Variants in NPEPL1 observed in about 807,000 individuals in gnomAD.
NPEPL1 encodes probable aminopeptidase NPEPL1.
Under a neutral mutation model 52.4 loss-of-function variants are expected in NPEPL1, and 45 were observed. The observed-to-expected ratio is 0.86, with a 90% CI of 0.68 to 1.10. NPEPL1 has a LOEUF of 1.10. NPEPL1 is among the 50% of genes least tolerant of loss of function. NPEPL1 has a pLI of 0.00. For synonymous variants in NPEPL1, 360 were observed against 314.7 expected (o/e 1.14, Z -1.52); for missense variants, 696 against 710.9 (o/e 0.98, Z 0.24).
At chr20:58,691,806 G>T (rs1460560191), upstream of NPEPL1, 1 of 1,542,758 alleles carries the variant, frequency 6.5e-7, no homozygotes, top group South Asian at 1.2e-5. Flanking sequence ...ACCAACCAAA[G>T]GCCCTTGAGC....
intron 11 of NPEPL1, 142 bp downstream of exon 11, chr20:58,714,812 C>A: frequency 1.5e-6 from 1 of 684,012 alleles, no homozygotes; most frequent in Admixed American, 2.6e-5. Context: ...CCCCACCACC[C>A]CCAGGTCTCA....
chr20:58,714,690 A>T lies in NPEPL1; in HGVS notation c.1413+20A>T. ...CATGCTGTGAGTGTCTCCCCTCCCC[A>T]CTGGCCCTGGCTGCTCCCGCCCGCT... On this transcript the variant is annotated intron_variant, in intron 11 of 11. Coordinates refer to ENST00000356091, the MANE Select transcript of NPEPL1 (RefSeq NM_024663.4). 1 of 1,550,222 alleles carries T rather than the reference A, an allele frequency of 6.5e-7. No individual in the cohort carries two copies. Among genetic ancestry groups the T allele is most frequent in the Non-Finnish European group, 8.7e-7 (1 of 1,144,886 alleles).
upstream of NPEPL1, chr20:58,691,512 G>A: frequency 3.0e-6 from 2 of 669,310 alleles, no homozygotes; most frequent in South Asian, 3.2e-5. Context: ...AGGGGCCAGG[G>A]ACCATGGCTC....
At chr20:58,702,117 C>T (rs933836610) in intron 6 of NPEPL1, among the ~76,000 whole-genome samples, 1 of 152,264 alleles carries the variant, frequency 6.6e-6, no homozygotes, top group African/African-American at 2.4e-5. Flanking sequence ...AACTAGCAGC[C>T]TGCAAGGCTC....
Position 58,693,758 on chromosome 20 carries a change from AC to A in NPEPL1, c.173del (p.Thr58SerfsTer14). ...TEELWQAALS[T>X]LNPNPTDSCP... Reference sequence around the variant, plus strand: ...CTAGCTCTGGCAGGCTGCCCTGAGCACGCTCAACCCCAACCCCACGGACAGC... The same window carrying A: ...CTAGCTCTGGCAGGCTGCCCTGAGCAGCTCAACCCCAACCCCACGGACAGC... On this transcript the variant is annotated frameshift_variant, in exon 2 of 12. Transcript: ENST00000356091. LOFTEE classifies it high-confidence loss of function. 6.2e-7 allele frequency: 1 copy of A among 1,609,534 alleles called. No homozygotes were observed.
Position 58,713,827 on chromosome 20 carries a change from TTC to T in NPEPL1, c.1126-86_1126-85del, listed in dbSNP as rs1391119949. The T allele has an allele frequency of 5.2e-6, 7 of 1,338,150 alleles. No individual in the cohort carries two copies. The highest frequency in any genetic ancestry group is 5.4e-4 in the Middle Eastern group (2 of 3,714). The allele number at this position is 1,338,150 out of a possible 1,614,324, so 82.9% of individuals were successfully genotyped here. Reference sequence around the variant, plus strand: ...ACCGTCTCTTTTCTGGCTCCCTTATTTCTCTGTCTGCCTCCCGGTCCCTCTTT... The same window carrying T: ...ACCGTCTCTTTTCTGGCTCCCTTATTTCTGTCTGCCTCCCGGTCCCTCTTT... On this transcript the variant is annotated intron_variant, in intron 9 of 11. Coordinates refer to ENST00000356091, the MANE Select transcript of NPEPL1 (RefSeq NM_024663.4). The surrounding 1 kb of genome is among the most constrained non-coding windows in gnomAD (Gnocchi z 4.6).
Position 58,698,670 on chromosome 20 carries a change from C to CT in NPEPL1, c.508-9dup, listed in dbSNP as rs1240402681. On this transcript the variant is annotated splice_polypyrimidine_tract_variant and intron_variant, in intron 3 of 11. Transcript: ENST00000356091. ...CTCCCACCTGGTCCCCAGTGATGGC[C>CT]TTTTTCTCCCTAGTGCTTAGCGAAT... 2.5e-6 allele frequency: 4 copies of CT among 1,610,354 alleles called. No homozygotes were observed. In the East Asian group the frequency reaches 8.9e-5, roughly 36 times the overall value.
chr20:58,710,240 G>A (rs1366677917), intron 7 of NPEPL1, among the ~76,000 whole-genome samples: 3 of 151,960 alleles, frequency 2.0e-5, no homozygotes, highest in African/African-American at 7.3e-5. Context: ...TCACCTTGTT[G>A]GCCAGGCTGG....
Position 58,714,577 on chromosome 20 carries a change from C to G in NPEPL1, c.1320C>G (p.Pro440=). ...CTCCCTAGGACCGAGACAACAGCCC[C>G]AGCTCCTGTGCTGGCCTCTTCATCG... is the stretch of plus-strand genomic sequence containing the variant. ...KNSVADRDNS[P]SSCAGLFIAS... The change falls in exon 11 of 12, where the codon CCC becomes CCG. Residue 440 remains proline (P), a synonymous_variant. Coordinates refer to ENST00000356091, the MANE Select transcript of NPEPL1 (RefSeq NM_024663.4). 1 of 1,587,498 alleles carries G rather than the reference C, an allele frequency of 6.3e-7. No homozygotes were observed. The highest frequency in any genetic ancestry group is 8.6e-7 in the Non-Finnish European group (1 of 1,169,540).
rs2296528 is a variant in NPEPL1 at position 58,699,095 on chromosome 20, G to T, written c.598-102G>T. ...GCTCCCAAGCCCGGCTCCCCGACGC[G>T]GCACAGGCAGCGGTTCATCCCTGGC... is the stretch of plus-strand genomic sequence containing the variant. On this transcript the variant is annotated intron_variant, in intron 4 of 11. Transcript: ENST00000356091. 1.3e-3 allele frequency: 1,484 copies of T among 1,139,948 alleles called. 4 individuals are homozygous for T. The highest frequency in any genetic ancestry group is 2.2e-3 in the South Asian group (164 of 75,370). The allele number at this position is 1,139,948 out of a possible 1,614,324, so 70.6% of individuals were successfully genotyped here.
intron 5 of NPEPL1, 55 bp downstream of exon 5, chr20:58,699,333 C>T: frequency 5.7e-6 from 8 of 1,402,008 alleles, no homozygotes; most frequent in Non-Finnish European, 7.8e-6. Context: ...GCCAGGGGCA[C>T]TTGGGTGGCA....
chr20:58,689,261 TTTTC>T (rs1281276841), upstream of NPEPL1: 1 of 152,292 alleles, frequency 6.6e-6, no homozygotes, highest in Non-Finnish European at 1.5e-5. Flanking sequence ...GAGCTTTTCT[TTTTC>T]TTTCTTTTTT....
At chr20:58,691,702 T>TTTTTTTTTTTTTTTTTTTTG, upstream of NPEPL1, 2 of 734,652 alleles carry the variant, frequency 2.7e-6, no homozygotes, top group Non-Finnish European at 4.2e-6. Flanking sequence ...TCTTTTTTTT[T>TTTTTTTTTTTTTTTTTTTTG]TTTTTTTTTT....
rs1256940367 is a variant in NPEPL1 at position 58,698,781 on chromosome 20, G to A, written c.597+8G>A. ...ACCGACACCTTCCTCGAGGTTTGTG[G>A]CGTCATCAGGCCGGGGGTGGGACCA... On this transcript the variant is annotated splice_region_variant and intron_variant, in intron 4 of 11. Transcript: ENST00000356091. 4 of 1,611,132 alleles carry A rather than the reference G, an allele frequency of 2.5e-6. No individual in the cohort carries two copies. The highest frequency in any genetic ancestry group is 1.3e-5 in the African/African-American group (1 of 74,920).
At chr20:58,714,727 C>T (rs1000568541) in intron 11 of NPEPL1, 57 bp downstream of exon 11, 16 of 1,351,208 alleles carry the variant, frequency 1.2e-5, no homozygotes, top group East Asian at 5.0e-5. Flanking sequence ...GTCCAAACAG[C>T]GCCCCTCTGG....
chr20:58,694,901 G>A (rs574392348), intron 3 of NPEPL1, among the ~76,000 whole-genome samples: 1 of 152,368 alleles, frequency 6.6e-6, no homozygotes, highest in African/African-American at 2.4e-5. Context: ...CCGTGTGCAC[G>A]TGTGTGATGT....
At chr20:58,691,364 CTTTTTTTTTTTTTTTTTTTTTT>C (rs59929508), upstream of NPEPL1, 91 of 177,276 alleles carry the variant, frequency 5.1e-4, 1 homozygote, top group African/African-American at 1.4e-3. Flanking sequence ...CATTCAACAG[CTTTTTTTTTTTTTTTTTTTTTT>C]TTTTTTTTTT....
chr20:58,713,266 G>T lies in NPEPL1; in HGVS notation c.1002-154G>T, dbSNP rs1416789334. The T allele has an allele frequency of 7.4e-6, 7 of 949,930 alleles. No homozygotes were observed. The African/African-American group carries it at 1.2e-4, about 16-fold the overall frequency. The allele number at this position is 949,930 out of a possible 1,614,324, so 58.8% of individuals were successfully genotyped here. A position where few individuals can be genotyped will look rare whatever the true frequency, so the allele number is the denominator to read the frequency against. ...AGGCACTGCATTGCTGTAGGGACTG[G>T]GGGCATCCCGGCCTTCCCATTCAGG... On this transcript the variant is annotated intron_variant, in intron 8 of 11. Coordinates refer to ENST00000356091, the MANE Select transcript of NPEPL1 (RefSeq NM_024663.4). This position sits in a 1 kb window ranked among gnomAD's most constrained non-coding sequence, Gnocchi z 4.6.
At chr20:58,702,815 G>A (rs575947745) in intron 6 of NPEPL1, among the ~76,000 whole-genome samples, 32 of 152,138 alleles carry the variant, frequency 2.1e-4, no homozygotes, top group South Asian at 8.3e-4. Context: ...TCTTTAATAC[G>A]GTATCATTTG....
Sources: allele counts gnomAD v4.1 joint callset (sites outside exome capture counted in the v4.1 genomes callset), GRCh38; gene constraint gnomAD v4.1.1; non-coding constraint Gnocchi (gnomAD v3.1); transcripts MANE v1.5; gene names NCBI Gene and HGNC (gene_info 2026-07-23, HGNC 2026-07-21).